PLAC1: variants seen among roughly 807,000 people sequenced by gnomAD.
The protein encoded by PLAC1 is placenta-specific protein 1.
For synonymous variants in PLAC1, 68 were observed against 62.1 expected (o/e 1.09, Z -0.44); for missense variants, 136 against 163.2 (o/e 0.83, Z 0.91).
At chrX:134,735,876 A>G (rs1471038615) in intron 1 of PLAC1, among the ~76,000 whole-genome samples, 7 of 108,183 alleles carry the variant, frequency 6.5e-5, no homozygotes, top group Non-Finnish European at 1.3e-4. Context: ...ATCCAGAATT[A>G]CCCAGTAGTT....
At chrX:134,763,816 C>T (rs1417731625) in intron 1 of PLAC1, among the ~76,000 whole-genome samples, 106 of 51,295 alleles carry the variant, frequency 2.1e-3, no homozygotes, top group African/African-American at 7.9e-3. Context: ...AAAGAAACTC[C>T]GAAAAAAAAA....
intron 2 of PLAC1, among the ~76,000 whole-genome samples, chrX:134,691,264 G>T (rs749694873): frequency 1.8e-5 from 2 of 108,524 alleles, no homozygotes; most frequent in Middle Eastern, 4.7e-3. Context: ...CCAGCATCAT[G>T]CCAGGAGTTG....
chrX:134,648,796 G>A (rs1245304914), intron 1 of PLAC1, among the ~76,000 whole-genome samples: 1 of 112,093 alleles, frequency 8.9e-6, no homozygotes, highest in Non-Finnish European at 1.9e-5. Context: ...GTGGGGGCAA[G>A]AGCCTTGGGA....
intron 2 of PLAC1, among the ~76,000 whole-genome samples, chrX:134,707,114 C>A (rs778468325): frequency 3.6e-5 from 4 of 111,813 alleles, no homozygotes; most frequent in African/African-American, 1.3e-4. Context: ...CAGGCCAAAA[C>A]CCAGTGACTG....
rs369567724 is a variant in PLAC1 at position 134,702,691 on chromosome X, GC to G, written n.174+30743del. Among the ~76,000 whole-genome samples the G allele has an allele frequency of 3.2e-3, 355 of 111,893 alleles. 1 individual carries two copies. The highest frequency in any genetic ancestry group is 0.011 in the African/African-American group (336 of 30,771). On this transcript the variant is annotated intron_variant and non_coding_transcript_variant, in intron 2 of 2. Coordinates refer to the PLAC1 transcript ENST00000466797. ...GGGATCATTTGTATCCCAAACCTCAGCATCATGCAATATACCCATGCAACAG... is the reference window on the plus strand; with the variant it reads ...GGGATCATTTGTATCCCAAACCTCAGATCATGCAATATACCCATGCAACAG...
At chrX:134,683,599 T>C (rs2078506085) in intron 2 of PLAC1, among the ~76,000 whole-genome samples, 1 of 111,937 alleles carries the variant, frequency 8.9e-6, no homozygotes, top group Non-Finnish European at 1.9e-5. Context: ...TGAAAACAGA[T>C]GATGGGGATG....
intron 2 of PLAC1, among the ~76,000 whole-genome samples, chrX:134,719,708 T>C (rs1391937103): frequency 9.0e-6 from 1 of 111,602 alleles, no homozygotes; most frequent in Non-Finnish European, 1.9e-5. Flanking sequence ...GAGAATTGCT[T>C]GAACCTGGGA....
In PLAC1 at chrX:134,756,094, G is replaced by A. The variant is rs780842611; in HGVS notation, n.89+8140C>T. On this transcript the variant is annotated intron_variant and non_coding_transcript_variant, in intron 1 of 2. Coordinates refer to the PLAC1 transcript ENST00000466797. ...TCTCTATCTCCTGTCCTCGAGATCC[G>A]CCCGCCTTGGCCTCCCAAAGTGTTG... Among the ~76,000 whole-genome samples the A allele has an allele frequency of 3.7e-5, 4 of 107,610 alleles. No homozygotes were observed. In the Admixed American group the frequency reaches 3.9e-4, roughly 11 times the overall value. 93.4% of individuals were successfully genotyped at this position (107,610 alleles called of 115,157 possible). A position where few individuals can be genotyped will look rare whatever the true frequency, so the allele number is the denominator to read the frequency against.
chrX:134,595,460 TG>T (rs1266452420), intron 2 of PLAC1, among the ~76,000 whole-genome samples: 1 of 110,194 alleles, frequency 9.1e-6, no homozygotes. Flanking sequence ...TTCCAACTAT[TG>T]TGGCTTTGTG....
intron 2 of PLAC1, among the ~76,000 whole-genome samples, chrX:134,717,521 A>G (rs868280633): frequency 1.4e-4 from 16 of 112,036 alleles, no homozygotes; most frequent in South Asian, 1.1e-3. Context: ...TCAGCCTCCC[A>G]AAGTGCTGGG....
At chrX:134,656,966 G>C (rs1440665545) in intron 1 of PLAC1, among the ~76,000 whole-genome samples, 4 of 111,354 alleles carry the variant, frequency 3.6e-5, no homozygotes, top group African/African-American at 1.3e-4. Flanking sequence ...TTGAGAGCAG[G>C]AGTAGATCTA....
chrX:134,687,815 CATATATATATATATAT>C (rs56675396), intron 2 of PLAC1, among the ~76,000 whole-genome samples: 7,558 of 31,078 alleles, frequency 0.24, 867 homozygotes, highest in Middle Eastern at 0.35. Context: ...ACTGAGATAA[CATATATATATATATAT>C]ATATATATAT....
At chrX:134,759,173 CAG>C (rs1323489397) in intron 1 of PLAC1, among the ~76,000 whole-genome samples, 6 of 107,760 alleles carry the variant, frequency 5.6e-5, no homozygotes, top group African/African-American at 2.0e-4. Context: ...TTTTTTGAGA[CAG>C]AGTCTCACTC....
chrX:134,735,437 A>G (rs1026069138), intron 1 of PLAC1, among the ~76,000 whole-genome samples: 4 of 111,519 alleles, frequency 3.6e-5, no homozygotes, highest in African/African-American at 9.8e-5. Flanking sequence ...GTTAAAAAAA[A>G]AAAGAAAGAA....
At chrX:134,665,672 AC>A (rs1310867319) in intron 2 of PLAC1, among the ~76,000 whole-genome samples, 2 of 110,980 alleles carry the variant, frequency 1.8e-5, no homozygotes, top group Non-Finnish European at 3.8e-5. Flanking sequence ...AAGCTGAGAG[AC>A]GACAGGTTGA....
intron 1 of PLAC1, among the ~76,000 whole-genome samples, chrX:134,620,895 A>T (rs2078207318): frequency 8.9e-6 from 1 of 111,759 alleles, no homozygotes; most frequent in Non-Finnish European, 1.9e-5. Flanking sequence ...TCTCACTCTC[A>T]CTTATTCAGA....
In PLAC1 at chrX:134,671,843, G is replaced by A. The variant is rs189291554; in HGVS notation, n.174+61592C>T. Among the ~76,000 whole-genome samples the A allele has an allele frequency of 1.2e-4, 13 of 111,889 alleles. No homozygotes were observed. In the East Asian group the frequency reaches 2.3e-3, roughly 19 times the overall value. ...TTGCATTCATAAGAGTCTAGTCTTCGGAATAAAGGAGTTCTGCCCTGACCT... is the reference window on the plus strand; with the variant it reads ...TTGCATTCATAAGAGTCTAGTCTTCAGAATAAAGGAGTTCTGCCCTGACCT... On this transcript the variant is annotated intron_variant and non_coding_transcript_variant, in intron 2 of 2. Coordinates refer to the PLAC1 transcript ENST00000466797.
At chrX:134,610,675 C>G (rs1191644276) in intron 1 of PLAC1, among the ~76,000 whole-genome samples, 1 of 111,606 alleles carries the variant, frequency 9.0e-6, no homozygotes. Context: ...TCGAGGGTGA[C>G]AGGCTGGGGT....
upstream of PLAC1, among the ~76,000 whole-genome samples, chrX:134,662,129 C>T (rs957531890): frequency 9.1e-6 from 1 of 110,493 alleles, no homozygotes; most frequent in Non-Finnish European, 1.9e-5. Context: ...CCTGTGGTCC[C>T]AGCTGAGGCA....
Sources: gnomAD v4.1 joint callset for allele counts (sites outside exome capture counted in the v4.1 genomes callset) on GRCh38, gnomAD v4.1.1 for gene constraint, MANE v1.5 for transcripts, NCBI Gene and HGNC (gene_info 2026-07-23, HGNC 2026-07-21) for gene names.